Variants in ODAD3 observed in about 807,000 individuals in gnomAD.
ODAD3 encodes outer dynein arm-docking complex subunit 3.
ODAD3 carries 57 observed loss-of-function variants against 70.9 expected under a neutral mutation model. The ratio of observed to expected loss-of-function variants is 0.80; its 90% CI spans 0.65 to 1.00. The LOEUF is 1.00. Ranked by LOEUF, ODAD3 falls within the 50% of genes least tolerant of loss-of-function variation. ODAD3 has a pLI of 0.00. For missense variants in ODAD3, 797 were observed against 763.9 expected, an observed-to-expected ratio of 1.04 and a Z score of -0.51; for synonymous variants, 327 against 315.9, an observed-to-expected ratio of 1.04 and a Z score of -0.37.
chr19:11,427,080 C>T (rs1415747890), intron 3 of ODAD3, 40 bp from the exon 4 acceptor site: 1 of 1,512,004 alleles, frequency 6.6e-7, no homozygotes, highest in South Asian at 1.2e-5. Flanking sequence ...GCCTCAACAC[C>T]CTACCCCGAC....
chr19:11,425,397 ATATG>A (rs1364253215), intron 7 of ODAD3, among the ~76,000 whole-genome samples: 1 of 136,650 alleles, frequency 7.3e-6, no homozygotes, highest in East Asian at 2.1e-4. Context: ...ACATATGTGT[ATATG>A]TATATATACA....
At chr19:11,435,369 C>T, upstream of ODAD3, 1 of 468,642 alleles carries the variant, frequency 2.1e-6, no homozygotes, top group South Asian at 2.1e-5. Flanking sequence ...CAACCTTATC[C>T]CGCCCCTGGG....
chr19:11,426,002 A>T, intron 7 of ODAD3, 142 bp downstream of exon 7: 1 of 1,131,184 alleles, frequency 8.8e-7, no homozygotes. Flanking sequence ...TCTTCGCACC[A>T]AGTGGGGGTG....
chr19:11,424,089 C>A, intron 7 of ODAD3, 60 bp from the exon 8 acceptor site: 1 of 1,563,620 alleles, frequency 6.4e-7, no homozygotes, highest in South Asian at 1.1e-5. Context: ...GGGAAGGAGG[C>A]CGGGGAGGGG....
intron 3 of ODAD3, 68 bp from the exon 4 acceptor site, chr19:11,427,108 TC>T: frequency 1.4e-6 from 2 of 1,439,940 alleles, no homozygotes; most frequent in South Asian, 2.8e-5. Flanking sequence ...TAGCCCTTCC[TC>T]CCTTCCTTCT....
chr19:11,428,377 G>A (rs768950659), intron 3 of ODAD3, among the ~76,000 whole-genome samples: 48 of 151,918 alleles, frequency 3.2e-4, no homozygotes, highest in Non-Finnish European at 6.3e-4. Context: ...CAGTTGCTGG[G>A]ACCACAGATG....
At chr19:11,429,021 G>A (rs1200838463) in intron 3 of ODAD3, among the ~76,000 whole-genome samples, 3 of 151,552 alleles carry the variant, frequency 2.0e-5, no homozygotes, top group African/African-American at 7.3e-5. Context: ...GGGATTACAA[G>A]CATGCACCAC....
At position 11,434,971 on chromosome 19, in the gene ODAD3, G is replaced by A; in HGVS notation, c.46C>T (p.Pro16Ser). The change falls in exon 1 of 13, where the codon CCT becomes TCT. Residue 16 changes from proline to serine, a missense_variant. Physicochemically the swap from Pro to Ser is moderately conservative, Grantham distance 74 (BLOSUM62 -1). Transcript: ENST00000356392. ...GAGGGCGTCGAAGCCTGGTCCTGAG[G>A]AGGCAGGGCGTTGGCGGAGGCCGCC... is the stretch of plus-strand genomic sequence containing the variant. Reference protein sequence around the residue: ...CRAASANALPPQDQASTPSSR... With the variant: ...CRAASANALPSQDQASTPSSR... 6.2e-7 allele frequency: 1 copy of A among 1,613,590 alleles called. No homozygotes were observed. Among genetic ancestry groups the A allele is most frequent in the Non-Finnish European group, 8.5e-7 (1 of 1,180,040 alleles).
intron 1 of ODAD3, chr19:11,431,335 T>C: frequency 3.4e-6 from 1 of 297,890 alleles, no homozygotes; most frequent in Non-Finnish European, 6.5e-6. Context: ...GGTCTCGAAC[T>C]CCTGACCTCA....
In ODAD3 at chr19:11,422,317, G is replaced by T. The variant is rs1025885086; in HGVS notation, c.1434+154C>A. Reference sequence around the variant, plus strand: ...CGGGGACTCTGAGGAATGGGGTGGGGCTTCCCCTGTGGGCGGGGCCTCTGA... The same window carrying T: ...CGGGGACTCTGAGGAATGGGGTGGGTCTTCCCCTGTGGGCGGGGCCTCTGA... On this transcript the variant is annotated intron_variant, in intron 10 of 12. Transcript: ENST00000356392. This position sits in a 1 kb window ranked among gnomAD's most constrained non-coding sequence, Gnocchi z 4.6. Among the ~76,000 whole-genome samples, 1 of 152,000 alleles carries T rather than the reference G, an allele frequency of 6.6e-6. No individual in the cohort carries two copies. Among genetic ancestry groups the T allele is most frequent in the Non-Finnish European group, 1.5e-5 (1 of 67,982 alleles).
At chr19:11,430,837 A>T in intron 2 of ODAD3, 61 bp from the exon 3 acceptor site, 1 of 1,613,904 alleles carries the variant, frequency 6.2e-7, no homozygotes, top group Non-Finnish European at 8.5e-7. Flanking sequence ...GCCAGGTGCT[A>T]CCTACTTGTC....
chr19:11,422,851 C>A lies in ODAD3; in HGVS notation c.1127G>T (p.Arg376Leu). ...GGTGTCGCCCTGGGCCAGGAACCGCCGCACCAACGACTGCGGGCCACCCAG... is the reference window on the plus strand; with the variant it reads ...GGTGTCGCCCTGGGCCAGGAACCGCAGCACCAACGACTGCGGGCCACCCAG... ...TGTDETHSLV[R>L]RFLAQGDTFA... Residue 376 changes from arginine (R) to leucine (L), a missense_variant, in exon 9 of 13, where the codon CGG becomes CTG. By Grantham distance (102) the Arg-to-Leu change is moderately radical. Transcript: ENST00000356392. The surrounding 1 kb of genome is among the most constrained non-coding windows in gnomAD (Gnocchi z 4.6). 3.1e-6 allele frequency: 5 copies of A among 1,603,526 alleles called. No homozygotes were observed. The highest frequency in any genetic ancestry group is 4.2e-6 in the Non-Finnish European group (5 of 1,179,720).
rs371395 is a variant in ODAD3 at position 11,424,543 on chromosome 19, A to G, written c.964-514T>C. On this transcript the variant is annotated intron_variant, in intron 7 of 12. Coordinates refer to ENST00000356392, the MANE Select transcript of ODAD3 (RefSeq NM_145045.5). ...TATATGTATATATGTATATATGTGT[A>G]TATATACCTATGTGTATATATGTAT... is the stretch of plus-strand genomic sequence containing the variant. Among the ~76,000 whole-genome samples, 129 of 133,072 alleles carry G rather than the reference A, an allele frequency of 9.7e-4. 5 individuals are homozygous for G. In the East Asian group the frequency reaches 0.022, roughly 22 times the overall value. 87.3% of individuals were successfully genotyped at this position (133,072 alleles called of 152,430 possible).
chr19:11,425,193 A>G (rs1969284822), intron 7 of ODAD3, among the ~76,000 whole-genome samples: 1 of 130,144 alleles, frequency 7.7e-6, no homozygotes, highest in Non-Finnish European at 1.5e-5. Context: ...GTATATATAC[A>G]TATGTGTATG....
chr19:11,424,627 AT>A, intron 7 of ODAD3, among the ~76,000 whole-genome samples: 1 of 121,820 alleles, frequency 8.2e-6, no homozygotes, highest in Non-Finnish European at 1.6e-5. Flanking sequence ...CTATGTGTAT[AT>A]ATGTATATAT....
At chr19:11,421,580 T>G in intron 11 of ODAD3, 97 bp downstream of exon 11, 1 of 1,454,626 alleles carries the variant, frequency 6.9e-7, no homozygotes, top group South Asian at 1.3e-5. Flanking sequence ...CTGATCAGCC[T>G]GCAATCTGGT....
At chr19:11,430,249 T>G (rs1246550533) in intron 3 of ODAD3, among the ~76,000 whole-genome samples, 1 of 151,936 alleles carries the variant, frequency 6.6e-6, no homozygotes, top group Non-Finnish European at 1.5e-5. Flanking sequence ...GCGATTCTCC[T>G]GCCTCAGCCT....
rs1555722105 is a variant in ODAD3, at chr19:11,424,997, G to GTA, written c.964-970_964-969dup. ...TATATATGTGTATATGTACATATGT[G>GTA]TATATGTATATATGTGTATATATAC... On this transcript the variant is annotated intron_variant, in intron 7 of 12. Transcript: ENST00000356392. Among the ~76,000 whole-genome samples, 1,054 of 124,558 alleles carry GTA rather than the reference G, an allele frequency of 8.5e-3. 69 individuals carry two copies. Among genetic ancestry groups the GTA allele is most frequent in the South Asian group, 0.036 (148 of 4,144 alleles). 81.7% of individuals were successfully genotyped at this position (124,558 alleles called of 152,430 possible).
At position 11,420,918 on chromosome 19, in the gene ODAD3, C is replaced by A. The variant is rs544310246; in HGVS notation, c.1705G>T (p.Val569Leu). Reference sequence around the variant, plus strand: ...ATCTTGAGTGATGCGCGGGTCACTACCTCGTTGTCCTCCTCCTCACTCTCT... The same window carrying A: ...ATCTTGAGTGATGCGCGGGTCACTAACTCGTTGTCCTCCTCCTCACTCTCT... ...DEESEEEDNE[V>L]VTRASLKIRS... is the part of the protein sequence containing the mutation. The change falls in exon 13 of 13, where the codon GTA becomes TTA. Residue 569 changes from valine (V) to leucine (L), a missense_variant. Physicochemically the swap from Val to Leu is conservative, Grantham distance 32 (BLOSUM62 1). Coordinates refer to ENST00000356392, the MANE Select transcript of ODAD3 (RefSeq NM_145045.5). The A allele has an allele frequency of 1.9e-4, 307 of 1,613,962 alleles. 2 individuals are homozygous for A. The South Asian group carries it at 3.2e-3, about 17-fold the overall frequency.
Sources: gnomAD v4.1 joint callset for allele counts (sites outside exome capture counted in the v4.1 genomes callset) on GRCh38, gnomAD v4.1.1 for gene constraint, Gnocchi (gnomAD v3.1) non-coding constraint, MANE v1.5 for transcripts, NCBI Gene and HGNC (gene_info 2026-07-23, HGNC 2026-07-21) for gene names.